The following FRAS1 variants were observed in gnomAD, a reference collection of about 807,000 sequenced individuals.
FRAS1 encodes the protein Fraser extracellular matrix complex subunit 1, also known as extracellular matrix organizing protein FRAS1.
A neutral mutation model predicts 435.2 loss-of-function variants in FRAS1; 290 were observed. That is an observed-to-expected ratio of 0.67 (90% CI 0.61 to 0.73). The LOEUF (loss-of-function observed/expected upper bound fraction) is 0.73, where lower values mean the gene tolerates loss of function less well. FRAS1 is among the 30% of genes least tolerant of loss of function. FRAS1 has a pLI of 0.00. For synonymous variants in FRAS1, 1,800 were observed against 1,851.0 expected (o/e 0.97, Z 0.71); for missense variants, 4,860 against 5,001.5 (o/e 0.97, Z 0.85).
intron 67 of FRAS1, among the ~76,000 whole-genome samples, chr4:78,521,155 G>C (rs930296717): frequency 6.6e-6 from 1 of 152,138 alleles, no homozygotes; most frequent in African/African-American, 2.4e-5. Flanking sequence ...AGGTATCTTG[G>C]CGAGGAAAAG....
Position 78,468,725 on chromosome 4 carries a change from G to A in FRAS1, c.7258-1253G>A, listed in dbSNP as rs567110825. On this transcript the variant is annotated intron_variant, in intron 50 of 73. Transcript: ENST00000512123. Reference sequence around the variant, plus strand: ...TCCTGTAGTTCATAAACCTCGCCTGGGAAAAACTTCAATTCTGGTGAAAGG... The same window carrying A: ...TCCTGTAGTTCATAAACCTCGCCTGAGAAAAACTTCAATTCTGGTGAAAGG... Among the ~76,000 whole-genome samples the A allele has an allele frequency of 2.6e-5, 4 of 152,260 alleles. No homozygotes were observed. In the East Asian group the frequency reaches 7.7e-4, roughly 29 times the overall value.
chr4:78,504,012 T>C (rs1312163490), intron 61 of FRAS1, among the ~76,000 whole-genome samples: 1 of 152,218 alleles, frequency 6.6e-6, no homozygotes, highest in Non-Finnish European at 1.5e-5. Flanking sequence ...AGTTTCCATG[T>C]AGTTGTGCAG....
Position 78,364,073 on chromosome 4 carries a change from C to T in FRAS1, c.2722+19C>T. The T allele has an allele frequency of 1.3e-6, 2 of 1,561,006 alleles. No individual in the cohort carries two copies. Among genetic ancestry groups the T allele is most frequent in the Non-Finnish European group, 1.7e-6 (2 of 1,151,900 alleles). On this transcript the variant is annotated intron_variant, in intron 22 of 73. Coordinates refer to ENST00000512123, the MANE Select transcript of FRAS1 (RefSeq NM_025074.7). The stretch of plus-strand genomic sequence containing the variant: ...TGCCAGCGTAGGTTTTTCCAATGAA[C>T]CTTCTCTCCTTTCCTTCTTTTCCTG...
At chr4:78,429,713 A>G (rs1206113143) in intron 36 of FRAS1, among the ~76,000 whole-genome samples, 2 of 152,216 alleles carry the variant, frequency 1.3e-5, no homozygotes, top group African/African-American at 4.8e-5. Flanking sequence ...TATCAAGAAC[A>G]TTTTACTAAT....
At chr4:78,511,241 C>T in intron 63 of FRAS1, 33 bp from the exon 64 acceptor site, 1 of 1,510,292 alleles carries the variant, frequency 6.6e-7, no homozygotes. Context: ...AAGTAGGGTA[C>T]TCACATTGGA....
chr4:78,366,203 G>A (rs1485071600), intron 22 of FRAS1, among the ~76,000 whole-genome samples: 2 of 152,098 alleles, frequency 1.3e-5, no homozygotes, highest in African/African-American at 2.4e-5. Context: ...AAATCTAAGG[G>A]TCACCAGTTG....
intron 9 of FRAS1, among the ~76,000 whole-genome samples, chr4:78,271,196 A>G (rs904114679): frequency 6.6e-6 from 1 of 152,180 alleles, no homozygotes; most frequent in African/African-American, 2.4e-5. Flanking sequence ...ATTCATTTTC[A>G]TTTAACATGG....
At chr4:78,192,317 C>G (rs1665486505) in intron 2 of FRAS1, among the ~76,000 whole-genome samples, 1 of 152,122 alleles carries the variant, frequency 6.6e-6, no homozygotes, top group South Asian at 2.1e-4. Context: ...GGGAGGATTC[C>G]CCCTTTTTCT....
chr4:78,062,834 C>G (rs1428100147), intron 1 of FRAS1, among the ~76,000 whole-genome samples: 2 of 152,178 alleles, frequency 1.3e-5, no homozygotes, highest in African/African-American at 2.4e-5. Flanking sequence ...TATAAAATTA[C>G]TTCACCCTGC....
chr4:78,453,678 T>TA, intron 47 of FRAS1, among the ~76,000 whole-genome samples: 1 of 152,058 alleles, frequency 6.6e-6, no homozygotes, highest in East Asian at 1.9e-4. Context: ...TGCACATTTG[T>TA]AGTTGTAGCT....
At chr4:78,116,201 G>T (rs1377617646) in intron 2 of FRAS1, among the ~76,000 whole-genome samples, 2 of 152,200 alleles carry the variant, frequency 1.3e-5, no homozygotes, top group Admixed American at 6.5e-5. Context: ...GAGACAGTTT[G>T]TTATAATGTC....
intron 47 of FRAS1, among the ~76,000 whole-genome samples, chr4:78,458,589 A>G (rs1392888339): frequency 6.6e-6 from 1 of 152,160 alleles, no homozygotes; most frequent in Non-Finnish European, 1.5e-5. Context: ...AAAACTTACT[A>G]TTGGATATTG....
chr4:78,245,107 A>G, intron 3 of FRAS1, 126 bp from the exon 4 acceptor site: 2 of 712,824 alleles, frequency 2.8e-6, no homozygotes, highest in South Asian at 3.2e-5. Flanking sequence ...ATTTTATCCC[A>G]TCTGTTGTTG....
At chr4:78,412,520 A>T (rs1459817658) in intron 31 of FRAS1, among the ~76,000 whole-genome samples, 1 of 152,240 alleles carries the variant, frequency 6.6e-6, no homozygotes, top group Non-Finnish European at 1.5e-5. Context: ...AAAGAAATGG[A>T]ATACAAATCA....
chr4:78,424,809 G>A (rs1394087450), intron 35 of FRAS1, among the ~76,000 whole-genome samples: 1 of 151,880 alleles, frequency 6.6e-6, no homozygotes, highest in African/African-American at 2.4e-5. Context: ...GGATGATGGT[G>A]GCACATGCCT....
At chr4:78,481,289 A>AC (rs1189624518) in intron 56 of FRAS1, among the ~76,000 whole-genome samples, 3 of 152,234 alleles carry the variant, frequency 2.0e-5, no homozygotes, top group Non-Finnish European at 4.4e-5. Context: ...TTAAGTCATG[A>AC]CATGTGCTTG....
At chr4:78,429,790 G>T (rs1470334590) in intron 36 of FRAS1, among the ~76,000 whole-genome samples, 2 of 152,036 alleles carry the variant, frequency 1.3e-5, no homozygotes. Flanking sequence ...CTACATATGG[G>T]GTTTGGCCTA....
intron 2 of FRAS1, among the ~76,000 whole-genome samples, chr4:78,229,897 T>C (rs1724449915): frequency 6.6e-6 from 1 of 152,182 alleles, no homozygotes; most frequent in African/African-American, 2.4e-5. Context: ...GTGGAGGACC[T>C]GGGAAGCACT....
At chr4:78,467,101 T>C (rs1719554842) in intron 50 of FRAS1, among the ~76,000 whole-genome samples, 1 of 152,218 alleles carries the variant, frequency 6.6e-6, no homozygotes, top group Non-Finnish European at 1.5e-5. Context: ...TATTCTCTTT[T>C]AGTTATTTTA....
Sources: allele counts gnomAD v4.1 joint callset (sites outside exome capture counted in the v4.1 genomes callset), GRCh38; gene constraint gnomAD v4.1.1; transcripts MANE v1.5; gene names NCBI Gene and HGNC (gene_info 2026-07-23, HGNC 2026-07-21).